Variants in ASAP2 observed in about 807,000 individuals in gnomAD.
The protein encoded by ASAP2 is ArfGAP with SH3 domain, ankyrin repeat and PH domain 2.
A neutral mutation model predicts 131.4 loss-of-function variants in ASAP2; 45 were observed. The observed-to-expected ratio is 0.34, with a 90% CI of 0.27 to 0.44. The LOEUF (loss-of-function observed/expected upper bound fraction) is 0.44, where lower values mean the gene tolerates loss of function less well. Among genes scored for constraint, ASAP2 ranks in the 20% least tolerant of loss-of-function variants. ASAP2 has a pLI of 1.00. For synonymous variants in ASAP2, 510 were observed against 503.0 expected (o/e 1.01, Z -0.19); for missense variants, 1,011 against 1,297.0 (o/e 0.78, Z 3.39).
intron 1 of ASAP2, among the ~76,000 whole-genome samples, chr2:9,275,673 C>A (rs1365576655): frequency 6.6e-6 from 1 of 152,172 alleles, no homozygotes; most frequent in African/African-American, 2.4e-5. Context: ...CTCCCGTTTC[C>A]CCTCTGGGAA....
At chr2:9,208,024 T>C (rs1661256193) in intron 1 of ASAP2, among the ~76,000 whole-genome samples, 1 of 152,088 alleles carries the variant, frequency 6.6e-6, no homozygotes, top group South Asian at 2.1e-4. Flanking sequence ...AGAAGCTTGG[T>C]TGAAAATTAA....
chr2:9,263,866 T>C (rs536072904), intron 1 of ASAP2, among the ~76,000 whole-genome samples: 45 of 152,162 alleles, frequency 3.0e-4, no homozygotes, highest in Non-Finnish European at 5.7e-4. Flanking sequence ...ATAGGTTAAG[T>C]ATTTTTTTCT....
intron 20 of ASAP2, among the ~76,000 whole-genome samples, chr2:9,384,121 T>C (rs776184246): frequency 2.0e-5 from 3 of 152,102 alleles, no homozygotes; most frequent in Non-Finnish European, 4.4e-5. Context: ...ATGTAACAAA[T>C]CTGCACGTTG....
At chr2:9,401,043 C>T (rs369836728) in intron 26 of ASAP2, among the ~76,000 whole-genome samples, 3 of 152,062 alleles carry the variant, frequency 2.0e-5, no homozygotes, top group African/African-American at 4.8e-5. Context: ...TACCCTGCCC[C>T]GGCCGCTTCG....
intron 1 of ASAP2, among the ~76,000 whole-genome samples, chr2:9,218,479 A>G (rs1242640530): frequency 3.3e-5 from 5 of 152,202 alleles, no homozygotes; most frequent in African/African-American, 7.2e-5. Flanking sequence ...TGAGGCTGCC[A>G]CTGAAGGGTG....
Position 9,391,170 on chromosome 2 carries a change from T to C in ASAP2, c.2492T>C (p.Leu831Pro). 6.2e-7 allele frequency: 1 copy of C among 1,614,150 alleles called. No individual in the cohort carries two copies. Among genetic ancestry groups the C allele is most frequent in the Non-Finnish European group, 8.5e-7 (1 of 1,180,000 alleles). The part of the protein sequence containing the change: ...SSDPPAVHPP[L>P]PPLRVTSTNP... ...GATCCGCCAGCTGTCCATCCACCGC[T>C]GCCCCCTCTTCGCGTGACATCTACC... Residue 831 changes from leucine (L) to proline (P), a missense_variant, in exon 23 of 28, where the codon CTG becomes CCG. Around this residue, in one of 2 missense-constraint regions of ASAP2, gnomAD observed 652 missense variants for 698.9 expected, o/e 0.93. Transcript: ENST00000281419.
At chr2:9,267,897 CAAAAAAAAAAA>C (rs34716225) in intron 1 of ASAP2, among the ~76,000 whole-genome samples, 3 of 65,022 alleles carry the variant, frequency 4.6e-5, no homozygotes, top group African/African-American at 2.1e-4. Context: ...GACTCTATCT[CAAAAAAAAAAA>C]AAAAAAAAAA....
At chr2:9,270,544 C>T (rs771660289) in intron 1 of ASAP2, among the ~76,000 whole-genome samples, 8 of 152,044 alleles carry the variant, frequency 5.3e-5, no homozygotes, top group Non-Finnish European at 1.0e-4. Flanking sequence ...GCTTCCATCA[C>T]CTCAAAGCAT....
At chr2:9,260,979 T>TAGATTTTGTGCCCCTGGTGAACTTC (rs1665539633) in intron 1 of ASAP2, among the ~76,000 whole-genome samples, 1 of 152,182 alleles carries the variant, frequency 6.6e-6, no homozygotes. Context: ...TGGTGAACTT[T>TAGATTTTGTGCCCCTGGTGAACTTC]AGATTCTTGT....
intron 1 of ASAP2, among the ~76,000 whole-genome samples, chr2:9,265,458 T>C (rs72773389): frequency 0.018 from 2,792 of 152,320 alleles, 44 homozygotes; most frequent in Non-Finnish European, 0.028. Context: ...ATACCCTGCT[T>C]GATGGGAGGA....
At chr2:9,212,709 T>C (rs930289481) in intron 1 of ASAP2, among the ~76,000 whole-genome samples, 3 of 152,006 alleles carry the variant, frequency 2.0e-5, no homozygotes, top group African/African-American at 7.2e-5. Flanking sequence ...CAAATCCAGC[T>C]CTCAGCCGCC....
chr2:9,259,259 A>G (rs2148188516), intron 1 of ASAP2, among the ~76,000 whole-genome samples: 1 of 152,358 alleles, frequency 6.6e-6, no homozygotes, highest in Non-Finnish European at 1.5e-5. Flanking sequence ...AGAAACATTC[A>G]TCCCTCAACG....
chr2:9,274,714 G>A (rs1193286864), intron 1 of ASAP2, among the ~76,000 whole-genome samples: 1 of 152,112 alleles, frequency 6.6e-6, no homozygotes, highest in East Asian at 1.9e-4. Flanking sequence ...TGAAGGGTGT[G>A]TTTCTGAATA....
rs1661178510 is a variant in ASAP2 at position 9,207,265 on chromosome 2, T to C, written c.126+35T>C. Reference sequence around the variant, plus strand: ...CCTGCGCGGCGGCTCCGGCCGCAGGTATCCCGCGCCCCAGCCCCGCCCGCC... The same window carrying C: ...CCTGCGCGGCGGCTCCGGCCGCAGGCATCCCGCGCCCCAGCCCCGCCCGCC... On this transcript the variant is annotated intron_variant, in intron 1 of 27. Coordinates refer to ENST00000281419, the MANE Select transcript of ASAP2 (RefSeq NM_003887.3). This position sits in a 1 kb window ranked among gnomAD's most constrained non-coding sequence, Gnocchi z 4.1. The C allele has an allele frequency of 1.3e-6, 2 of 1,507,442 alleles. No homozygotes were observed. The highest frequency in any genetic ancestry group is 2.6e-5 in the East Asian group (1 of 38,926). 93.4% of individuals were successfully genotyped at this position (1,507,442 alleles called of 1,614,324 possible).
At chr2:9,282,330 C>T (rs990679269) in intron 2 of ASAP2, among the ~76,000 whole-genome samples, 10 of 152,146 alleles carry the variant, frequency 6.6e-5, no homozygotes, top group African/African-American at 1.9e-4. Context: ...ATCTTTATTT[C>T]GGAACAAGCG....
intron 1 of ASAP2, among the ~76,000 whole-genome samples, chr2:9,245,753 A>G (rs918340270): frequency 1.3e-5 from 2 of 152,094 alleles, no homozygotes; most frequent in African/African-American, 2.4e-5. Context: ...GCTGTGTGCC[A>G]TGCATTAGTC....
At chr2:9,365,513 GTCCAGA>G (rs1673402319) in intron 15 of ASAP2, among the ~76,000 whole-genome samples, 1 of 152,174 alleles carries the variant, frequency 6.6e-6, no homozygotes, top group Admixed American at 6.5e-5. Context: ...TCAAAACAAT[GTCCAGA>G]TAAAACCTAA....
intron 1 of ASAP2, among the ~76,000 whole-genome samples, chr2:9,216,520 G>C (rs1662051962): frequency 6.8e-6 from 1 of 147,688 alleles, no homozygotes; most frequent in South Asian, 2.2e-4. Context: ...GACTGCAGTG[G>C]TGCCATCTCA....
chr2:9,279,094 C>A (rs1189728064), intron 1 of ASAP2, among the ~76,000 whole-genome samples: 1 of 152,172 alleles, frequency 6.6e-6, no homozygotes, highest in Non-Finnish European at 1.5e-5. Context: ...TAATTGCCAA[C>A]AAACTTCTGC....
Sources: gnomAD v4.1 joint callset for allele counts (sites outside exome capture counted in the v4.1 genomes callset) on GRCh38, gnomAD v4.1.1 for gene constraint, gnomAD v4.1.1 regional missense constraint, Gnocchi (gnomAD v3.1) non-coding constraint, MANE v1.5 for transcripts, NCBI Gene and HGNC (gene_info 2026-07-23, HGNC 2026-07-21) for gene names.